Variants in PRELID2 observed in about 807,000 individuals in gnomAD.
The protein encoded by PRELID2 is PRELI domain containing 2, also known as PRELI domain-containing protein 2.
A neutral mutation model predicts 28.4 loss-of-function variants in PRELID2; 25 were observed. That is an observed-to-expected ratio of 0.88 (90% CI 0.64 to 1.23). PRELID2 has a LOEUF of 1.23. PRELID2 is among the 50% of genes most tolerant of loss of function. PRELID2 has a pLI of 0.00. For missense variants in PRELID2, 201 were observed against 214.4 expected, an observed-to-expected ratio of 0.94 and a Z score of 0.39; for synonymous variants, 76 against 71.6, an observed-to-expected ratio of 1.06 and a Z score of -0.31.
chr5:145,477,351 C>T (rs1752112601), intron 1 of PRELID2, among the ~76,000 whole-genome samples: 1 of 152,164 alleles, frequency 6.6e-6, no homozygotes, highest in Non-Finnish European at 1.5e-5. Flanking sequence ...AAGATGGCGG[C>T]CATCCACTGC....
chr5:145,614,775 C>A (rs1030329982), intron 1 of PRELID2, among the ~76,000 whole-genome samples: 3 of 152,142 alleles, frequency 2.0e-5, no homozygotes, highest in Admixed American at 6.5e-5. Context: ...CATCAGCAAA[C>A]AGTGACAATT....
chr5:145,731,099 T>A (rs1756332740), intron 1 of PRELID2, among the ~76,000 whole-genome samples: 1 of 152,258 alleles, frequency 6.6e-6, no homozygotes, highest in South Asian at 2.1e-4. Context: ...AACTGCCAGC[T>A]GCATTTCGTG....
At chr5:145,694,989 A>G (rs1288367250) in intron 1 of PRELID2, among the ~76,000 whole-genome samples, 5 of 152,200 alleles carry the variant, frequency 3.3e-5, no homozygotes, top group African/African-American at 1.2e-4. Context: ...TAGTTATTGG[A>G]CACTTAGAAC....
chr5:145,366,957 G>A, the PRELID2 span, among the ~76,000 whole-genome samples: 1 of 151,820 alleles, frequency 6.6e-6, no homozygotes, highest in African/African-American at 2.4e-5. Flanking sequence ...GCCATCAATA[G>A]GTAAGCTGGT....
At chr5:145,324,772 T>C in the PRELID2 span, among the ~76,000 whole-genome samples, 20 of 152,202 alleles carry the variant, frequency 1.3e-4, no homozygotes, top group Non-Finnish European at 2.8e-4. Flanking sequence ...TATTTATTTA[T>C]ATCAGCCCAT....
At chr5:145,578,314 C>T (rs939089800) in intron 1 of PRELID2, among the ~76,000 whole-genome samples, 1 of 152,136 alleles carries the variant, frequency 6.6e-6, no homozygotes, top group South Asian at 2.1e-4. Flanking sequence ...TACCAACTTT[C>T]ACTTAGAAAA....
At chr5:145,832,717 T>C (rs1391286591) in intron 1 of PRELID2, among the ~76,000 whole-genome samples, 1 of 152,076 alleles carries the variant, frequency 6.6e-6, no homozygotes, top group Non-Finnish European at 1.5e-5. Context: ...CTGAGGGTGC[T>C]GGCAGCAGTA....
At chr5:145,705,136 C>T (rs190830816) in intron 1 of PRELID2, among the ~76,000 whole-genome samples, 12 of 151,828 alleles carry the variant, frequency 7.9e-5, no homozygotes, top group African/African-American at 2.9e-4. Context: ...CGATGCTTTA[C>T]AAATGGAAAG....
At chr5:145,672,656 G>T (rs192278830) in intron 1 of PRELID2, among the ~76,000 whole-genome samples, 180 of 152,090 alleles carry the variant, frequency 1.2e-3, no homozygotes, top group African/African-American at 4.3e-3. Context: ...TTCATTAAAA[G>T]AACTAAAAAT....
intron 1 of PRELID2, among the ~76,000 whole-genome samples, chr5:145,679,331 T>G (rs1754886368): frequency 6.6e-6 from 1 of 152,248 alleles, no homozygotes; most frequent in African/African-American, 2.4e-5. Context: ...TGGAAACTTC[T>G]GCTTTAGTCT....
intron 1 of PRELID2, among the ~76,000 whole-genome samples, chr5:145,483,399 G>A (rs894452183): frequency 2.0e-5 from 3 of 152,166 alleles, no homozygotes; most frequent in African/African-American, 7.2e-5. Flanking sequence ...ATTCTAGACT[G>A]CATCATTGTC....
At chr5:145,714,265 A>C (rs1755784118) in intron 1 of PRELID2, among the ~76,000 whole-genome samples, 1 of 152,298 alleles carries the variant, frequency 6.6e-6, no homozygotes, top group Admixed American at 6.5e-5. Context: ...GAATTAAATA[A>C]GTGTGACAGA....
intron 4 of PRELID2, among the ~76,000 whole-genome samples, chr5:145,815,832 A>G (rs1754264284): frequency 6.6e-6 from 1 of 152,184 alleles, no homozygotes; most frequent in African/African-American, 2.4e-5. Context: ...GCTTGTTTCT[A>G]CATTCTGGCT....
the PRELID2 span, among the ~76,000 whole-genome samples, chr5:145,391,684 GT>G: frequency 0.012 from 1,579 of 137,148 alleles, 24 homozygotes; most frequent in South Asian, 0.066. Flanking sequence ...AAAATGTTTT[GT>G]TTTTTTTTTT....
At chr5:145,643,269 T>A (rs1291289950) in intron 1 of PRELID2, among the ~76,000 whole-genome samples, 1 of 152,216 alleles carries the variant, frequency 6.6e-6, no homozygotes. Flanking sequence ...CTTTATTCTC[T>A]TAGTAGCAAT....
chr5:145,357,208 A>T, the PRELID2 span, among the ~76,000 whole-genome samples: 1 of 151,850 alleles, frequency 6.6e-6, no homozygotes, highest in Non-Finnish European at 1.5e-5. Context: ...TCTGATAATG[A>T]TGTGTTCTGG....
chr5:145,705,968 ACACT>A (rs1755536496), intron 1 of PRELID2, among the ~76,000 whole-genome samples: 1 of 151,466 alleles, frequency 6.6e-6, no homozygotes, highest in Admixed American at 6.6e-5. Context: ...ACACACACAC[ACACT>A]CCCCACAAAT....
intron 1 of PRELID2, among the ~76,000 whole-genome samples, chr5:145,547,309 A>G (rs1247515302): frequency 6.6e-6 from 1 of 152,160 alleles, no homozygotes; most frequent in Non-Finnish European, 1.5e-5. Flanking sequence ...GTAAGATCTG[A>G]ATGTAAAATA....
At chr5:145,752,224 AT>A (rs1757141905), downstream of PRELID2, among the ~76,000 whole-genome samples, 1 of 152,170 alleles carries the variant, frequency 6.6e-6, no homozygotes, top group South Asian at 2.1e-4. Flanking sequence ...GTTAGCATTT[AT>A]TTTTCCAAGA....
Sources: gnomAD v4.1 joint callset for allele counts (sites outside exome capture counted in the v4.1 genomes callset) on GRCh38, gnomAD v4.1.1 for gene constraint, MANE v1.5 for transcripts, NCBI Gene and HGNC (gene_info 2026-07-23, HGNC 2026-07-21) for gene names.